UNC80: variants seen among roughly 807,000 people sequenced by gnomAD.
UNC80 encodes protein unc-80 homolog.
UNC80 carries 164 observed loss-of-function variants against 384.6 expected under a neutral mutation model. The observed-to-expected ratio is 0.43, with a 90% CI of 0.38 to 0.49. UNC80 has a LOEUF of 0.49. UNC80 is among the 20% of genes least tolerant of loss of function. The pLI, the probability that UNC80 is intolerant of heterozygous loss-of-function variation, is 0.00. For missense variants in UNC80, 3,330 were observed against 4,143.0 expected (o/e 0.80, Z 5.39); for synonymous variants, 1,486 against 1,527.8 (o/e 0.97, Z 0.64).
chr2:209,980,493 C>G (rs979168032), intron 59 of UNC80, among the ~76,000 whole-genome samples: 1 of 152,134 alleles, frequency 6.6e-6, no homozygotes. Context: ...TCACAGACAT[C>G]GTAACCATCC....
chr2:209,817,004 G>A lies in UNC80; in HGVS notation c.1431G>A (p.Leu477=). ...CACGGAGAATGGGAGTGCCCTTCCT[G>A]CTTCACGAGGACCACCTGGATGTGT... The part of the protein sequence containing the change: ...RRPRRMGVPF[L]LHEDHLDVSP... Residue 477 remains leucine (L), a synonymous_variant, in exon 10 of 65, where the codon CTG becomes CTA. Transcript: ENST00000673920. 6.4e-7 allele frequency: 1 copy of A among 1,551,702 alleles called. No individual in the cohort carries two copies. The highest frequency in any genetic ancestry group is 8.7e-7 in the Non-Finnish European group (1 of 1,146,996).
chr2:209,903,512 G>A (rs1370083100), intron 28 of UNC80, among the ~76,000 whole-genome samples: 4 of 88,624 alleles, frequency 4.5e-5, no homozygotes, highest in African/African-American at 1.4e-4. Context: ...TAGTATATAT[G>A]TAATATATAT....
chr2:209,930,970 T>G lies in UNC80; in HGVS notation c.5910T>G (p.Asp1970Glu). The change falls in exon 38 of 65, where the codon GAT becomes GAG. Residue 1970 changes from aspartate (D) to glutamate (E), a missense_variant and splice_region_variant. Coordinates refer to ENST00000673920, the MANE Select transcript of UNC80 (RefSeq NM_001371986.1). ...TAAAAATTCTGTTCTTCTTTCAGGA[T>G]GAGTTAATGTACATGCTGCGCAAAC... ...LEKLTISNRQDELMYMLRKLL... is the reference protein window; with the variant it reads ...LEKLTISNRQEELMYMLRKLL... The G allele has an allele frequency of 6.5e-7, 1 of 1,541,186 alleles. No individual in the cohort carries two copies. The highest frequency in any genetic ancestry group is 8.8e-7 in the Non-Finnish European group (1 of 1,140,550).
intron 28 of UNC80, among the ~76,000 whole-genome samples, chr2:209,902,850 A>C: frequency 6.6e-6 from 1 of 151,536 alleles, no homozygotes; most frequent in Non-Finnish European, 1.5e-5. Context: ...CATTTGCTTT[A>C]TTTTGGTGGT....
chr2:209,874,123 A>AT (rs1302763096), intron 23 of UNC80, among the ~76,000 whole-genome samples: 1 of 152,114 alleles, frequency 6.6e-6, no homozygotes, highest in Non-Finnish European at 1.5e-5. Flanking sequence ...TGTAATATCT[A>AT]TTTTTGTAAA....
intron 51 of UNC80, among the ~76,000 whole-genome samples, chr2:209,962,373 C>G (rs535134558): frequency 6.6e-6 from 1 of 152,158 alleles, no homozygotes; most frequent in African/African-American, 2.4e-5. Context: ...CTGAGGTCTT[C>G]ATTTTGGCGT....
chr2:209,865,701 AG>A (rs1198356280), intron 22 of UNC80, among the ~76,000 whole-genome samples: 1 of 152,032 alleles, frequency 6.6e-6, no homozygotes, highest in African/African-American at 2.4e-5. Context: ...ATTGATTTTT[AG>A]GTAAATGAGT....
In UNC80 at chr2:209,813,767, C is replaced by G; in HGVS notation, c.1126C>G (p.Pro376Ala). ...AGAAAAGCCTCCGGAGCCAGATATT[C>G]CTCTCCTGCCCAGACCCAGGAGTAG... ...KPEKPPEPDI[P>A]LLPRPRSSSM... Residue 376 changes from proline to alanine, a missense_variant, in exon 8 of 65, where the codon CCT becomes GCT. Pro to Ala is a conservative substitution (Grantham distance 27). Coordinates refer to ENST00000673920, the MANE Select transcript of UNC80 (RefSeq NM_001371986.1). The G allele has an allele frequency of 6.4e-7, 1 of 1,551,992 alleles. No individual in the cohort carries two copies.
intron 28 of UNC80, among the ~76,000 whole-genome samples, chr2:209,904,171 G>C (rs11686407): frequency 2.0e-5 from 3 of 152,192 alleles, no homozygotes; most frequent in Admixed American, 6.5e-5. Context: ...TTTTGATTTA[G>C]CTACAAGAGA....
chr2:209,875,981 G>A (rs1391955385), intron 23 of UNC80, among the ~76,000 whole-genome samples: 1 of 152,100 alleles, frequency 6.6e-6, no homozygotes, highest in African/African-American at 2.4e-5. Flanking sequence ...CATCCGAGTA[G>A]GGCACGTTGT....
At chr2:209,847,491 T>G (rs1162636843) in intron 21 of UNC80, among the ~76,000 whole-genome samples, 1 of 152,026 alleles carries the variant, frequency 6.6e-6, no homozygotes, top group Non-Finnish European at 1.5e-5. Flanking sequence ...GCTTATAGGA[T>G]TCTGCTGATC....
chr2:209,776,725 A>G (rs991188780), intron 3 of UNC80, among the ~76,000 whole-genome samples: 2 of 152,212 alleles, frequency 1.3e-5, no homozygotes, highest in Admixed American at 1.3e-4. Context: ...AACTGGGCAT[A>G]TTTGCCTCAG....
At chr2:209,834,809 G>A (rs374228759) in intron 17 of UNC80, 103 bp from the exon 18 acceptor site, 5 of 934,206 alleles carry the variant, frequency 5.4e-6, no homozygotes, top group East Asian at 3.0e-5. Flanking sequence ...TTCACAAGCT[G>A]CAAAGTTGTC....
intron 39 of UNC80, 139 bp from the exon 40 acceptor site, chr2:209,935,575 A>C (rs2091191548): frequency 5.7e-6 from 2 of 353,044 alleles, no homozygotes; most frequent in Non-Finnish European, 1.0e-5. Context: ...AATAAATAAA[A>C]TATATATGTA....
chr2:209,867,707 C>T (rs2083954892), intron 22 of UNC80, among the ~76,000 whole-genome samples: 1 of 152,086 alleles, frequency 6.6e-6, no homozygotes, highest in Non-Finnish European at 1.5e-5. Flanking sequence ...CCCATCCGGT[C>T]TCTCTATAGT....
intron 13 of UNC80, among the ~76,000 whole-genome samples, chr2:209,822,175 C>T (rs1049410193): frequency 5.9e-5 from 9 of 152,248 alleles, no homozygotes; most frequent in East Asian, 1.9e-4. Context: ...CTTTTCTATA[C>T]GATTTTCTTC....
chr2:209,820,876 A>G (rs908071355), intron 13 of UNC80, among the ~76,000 whole-genome samples, 197 bp downstream of exon 13: 8 of 152,194 alleles, frequency 5.3e-5, no homozygotes, highest in African/African-American at 1.7e-4. Flanking sequence ...TCTAAATCCA[A>G]TATCTATTGC....
intron 24 of UNC80, among the ~76,000 whole-genome samples, chr2:209,879,954 A>G (rs779918764): frequency 1.3e-5 from 2 of 152,246 alleles, no homozygotes; most frequent in African/African-American, 2.4e-5. Flanking sequence ...ATTCTATTCA[A>G]TTAAGAAAGC....
At chr2:209,842,294 C>A in intron 20 of UNC80, 56 bp from the exon 21 acceptor site, 1 of 1,335,998 alleles carries the variant, frequency 7.5e-7, no homozygotes, top group Non-Finnish European at 1.0e-6. Flanking sequence ...GATCTAACCA[C>A]AAAGATTTAC....
Sources: gnomAD v4.1 joint callset for allele counts (sites outside exome capture counted in the v4.1 genomes callset) on GRCh38, gnomAD v4.1.1 for gene constraint, MANE v1.5 for transcripts, NCBI Gene and HGNC (gene_info 2026-07-23, HGNC 2026-07-21) for gene names.